Variants in QTMAN observed in about 807,000 individuals in gnomAD.
The protein encoded by QTMAN is tRNA-queuosine alpha-mannosyltransferase.
At chr2:143,976,053 T>A in the QTMAN span, among the ~76,000 whole-genome samples, 2 of 152,230 alleles carry the variant, frequency 1.3e-5, no homozygotes, top group African/African-American at 4.8e-5. Flanking sequence ...ATCATAATCT[T>A]ACTTAAGCCT....
chr2:144,041,759 A>G, the QTMAN span, among the ~76,000 whole-genome samples: 1 of 152,150 alleles, frequency 6.6e-6, no homozygotes, highest in Admixed American at 6.5e-5. Context: ...AGCTTGTAGG[A>G]GAGGAACAGG....
the QTMAN span, among the ~76,000 whole-genome samples, chr2:144,325,952 A>T: frequency 6.6e-6 from 1 of 152,242 alleles, no homozygotes; most frequent in Non-Finnish European, 1.5e-5. Flanking sequence ...GGTTTAGACT[A>T]CTAAAGAGTT....
At chr2:144,287,308 G>A in the QTMAN span, among the ~76,000 whole-genome samples, 9 of 152,150 alleles carry the variant, frequency 5.9e-5, no homozygotes, top group East Asian at 3.9e-4. Flanking sequence ...GGTGGCGTGC[G>A]CCTGTAGTCC....
chr2:144,319,271 T>C, the QTMAN span, among the ~76,000 whole-genome samples: 5 of 152,154 alleles, frequency 3.3e-5, no homozygotes, highest in Non-Finnish European at 5.9e-5. Flanking sequence ...ATACTCTAGA[T>C]GAAGGCAAAA....
At chr2:144,181,547 T>G in the QTMAN span, among the ~76,000 whole-genome samples, 4 of 152,184 alleles carry the variant, frequency 2.6e-5, no homozygotes, top group Non-Finnish European at 4.4e-5. Flanking sequence ...GCATGGTGTC[T>G]CATGCCTGTA....
chr2:144,194,424 T>TA, the QTMAN span, among the ~76,000 whole-genome samples: 1 of 152,168 alleles, frequency 6.6e-6, no homozygotes, highest in African/African-American at 2.4e-5. Context: ...TCCTATGTAA[T>TA]AAAATGCCTA....
the QTMAN span, among the ~76,000 whole-genome samples, chr2:144,115,537 T>C: frequency 2.0e-5 from 3 of 152,244 alleles, no homozygotes; most frequent in Non-Finnish European, 4.4e-5. Context: ...AGAGTGATGA[T>C]CCACCAGGAC....
the QTMAN span, among the ~76,000 whole-genome samples, chr2:144,092,877 G>T: frequency 7.3e-6 from 1 of 137,800 alleles, no homozygotes; most frequent in Non-Finnish European, 1.6e-5. Flanking sequence ...TGGGGTGTGT[G>T]TGTGTGTGTG....
chr2:144,221,000 A>C, the QTMAN span, among the ~76,000 whole-genome samples: 1 of 152,296 alleles, frequency 6.6e-6, no homozygotes, highest in Non-Finnish European at 1.5e-5. Flanking sequence ...CTGGGGTACA[A>C]TGTGTTACCT....
At chr2:144,218,915 TAAAAAAAAAAA>T in the QTMAN span, among the ~76,000 whole-genome samples, 1 of 54,606 alleles carries the variant, frequency 1.8e-5, no homozygotes, top group Non-Finnish European at 4.1e-5. Flanking sequence ...GGAAAGTATC[TAAAAAAAAAAA>T]AAAAAAAAAA....
the QTMAN span, among the ~76,000 whole-genome samples, chr2:144,152,473 C>G: frequency 3.3e-5 from 5 of 152,066 alleles, no homozygotes. Flanking sequence ...AGTGCTTAAT[C>G]CATAAAAGAC....
the QTMAN span, among the ~76,000 whole-genome samples, chr2:144,076,677 T>C: frequency 6.6e-6 from 1 of 152,178 alleles, no homozygotes; most frequent in African/African-American, 2.4e-5. Flanking sequence ...TGTATCTTTT[T>C]TGACACCAAT....
At chr2:144,140,611 C>T in the QTMAN span, among the ~76,000 whole-genome samples, 1 of 151,954 alleles carries the variant, frequency 6.6e-6, no homozygotes, top group Non-Finnish European at 1.5e-5. Context: ...CTGAAAATTG[C>T]TTTGTGATCG....
At chr2:143,964,179 A>G in the QTMAN span, 21 of 152,298 alleles carry the variant, frequency 1.4e-4, no homozygotes, top group African/African-American at 4.8e-4. Flanking sequence ...CTAATGAGCC[A>G]GTAAGATTCC....
the QTMAN span, among the ~76,000 whole-genome samples, chr2:143,983,247 T>G: frequency 6.6e-6 from 1 of 152,132 alleles, no homozygotes; most frequent in Non-Finnish European, 1.5e-5. Flanking sequence ...AGTGAAATGA[T>G]GTATGTGAAA....
At chr2:144,262,851 GGAAGA>G in the QTMAN span, among the ~76,000 whole-genome samples, 1 of 84,976 alleles carries the variant, frequency 1.2e-5, no homozygotes, top group Non-Finnish European at 2.4e-5. Context: ...GCGGGGAAAG[GGAAGA>G]GGGGAGGGGA....
the QTMAN span, among the ~76,000 whole-genome samples, chr2:144,120,835 G>A: frequency 6.6e-6 from 1 of 151,978 alleles, no homozygotes; most frequent in African/African-American, 2.4e-5. Flanking sequence ...AAACAAAACT[G>A]GCTCTGCCTT....
chr2:144,288,391 A>G, the QTMAN span, among the ~76,000 whole-genome samples: 2 of 152,218 alleles, frequency 1.3e-5, no homozygotes, highest in African/African-American at 2.4e-5. Context: ...TTACGATTAA[A>G]TGTTAGGGTG....
chr2:143,991,119 GATA>G, the QTMAN span, among the ~76,000 whole-genome samples: 1 of 152,000 alleles, frequency 6.6e-6, no homozygotes, highest in Non-Finnish European at 1.5e-5. Flanking sequence ...TTAAAAATAT[GATA>G]ATAAGAAATA....
Sources: allele counts gnomAD v4.1 joint callset (sites outside exome capture counted in the v4.1 genomes callset), GRCh38; gene constraint gnomAD v4.1.1; transcripts MANE v1.5; gene names NCBI Gene and HGNC (gene_info 2026-07-23, HGNC 2026-07-21).